The following ESPNL variants were observed in gnomAD, a reference collection of about 807,000 sequenced individuals.
ESPNL encodes the protein espin like, also known as espin-like protein.
A neutral mutation model predicts 46.8 loss-of-function variants in ESPNL; 49 were observed. The ratio of observed to expected loss-of-function variants is 1.05; its 90% CI spans 0.83 to 1.33. ESPNL has a LOEUF of 1.33. ESPNL is among the 40% of genes most tolerant of loss of function. The pLI is 0.00. For missense variants in ESPNL, 1,540 were observed against 1,436.6 expected (o/e 1.07, Z -1.16); for synonymous variants, 664 against 662.1 (o/e 1.00, Z -0.04).
chr2:238,133,195 G>T lies in ESPNL; in HGVS notation c.*1463G>T, dbSNP rs1324117737. The T allele has an allele frequency of 6.6e-6, 1 of 152,206 alleles. No homozygotes were observed. The highest frequency in any genetic ancestry group is 1.9e-4 in the East Asian group (1 of 5,200). The allele number at this position is 152,206 out of a possible 1,614,324, so 9.4% of individuals were successfully genotyped here. On this transcript the variant is annotated 3_prime_UTR_variant, in exon 9 of 9. Coordinates refer to ENST00000343063, the MANE Select transcript of ESPNL (RefSeq NM_194312.4). ...TTCCACAAGGGCCTATCCTGCAGCC[G>T]GCCCGCTCCGGCTTCCTCCACTGCT...
In ESPNL at chr2:238,107,860, C is replaced by T. The variant is rs781035210; in HGVS notation, c.742C>T (p.Arg248Ter). 43 of 1,610,406 alleles carry T rather than the reference C, an allele frequency of 2.7e-5. No homozygotes were observed. In the Admixed American group the frequency reaches 4.0e-4, roughly 15 times the overall value. Residue 248 changes from arginine to a stop codon, truncating the protein, a stop_gained, in exon 4 of 9, where the codon CGA (arginine) becomes TGA (stop). Transcript: ENST00000343063. LOFTEE classifies it high-confidence loss of function. ...GGCCACGGCCCTGCACTTTGCAGCC[C>T]GAGGCGGCCACACGCCCATTCTAGA... ...EGATALHFAA[R>*]GGHTPILDRL... is the part of the protein sequence containing the mutation.
chr2:238,104,617 A>G (rs1288584275), intron 2 of ESPNL, 39 bp from the exon 3 acceptor site: 2 of 1,514,102 alleles, frequency 1.3e-6, no homozygotes, highest in African/African-American at 2.8e-5. Flanking sequence ...GCTCAGCCAT[A>G]GGCAGGGACT....
intron 4 of ESPNL, 109 bp from the exon 5 acceptor site, chr2:238,116,794 C>A: frequency 2.2e-6 from 3 of 1,387,046 alleles, no homozygotes; most frequent in Admixed American, 2.0e-5. Context: ...CTGGGAAGGG[C>A]ATCAGGGCAG....
At chr2:238,128,651 T>C (rs1692197895) in intron 7 of ESPNL, 56 bp from the exon 8 acceptor site, 8 of 1,513,880 alleles carry the variant, frequency 5.3e-6, no homozygotes, top group Middle Eastern at 1.9e-4. Flanking sequence ...GGATCTTCCC[T>C]CCACTCAGGG....
Position 238,116,833 on chromosome 2 carries a change from G to A in ESPNL, c.856-70G>A, listed in dbSNP as rs533680829. 812 of 1,561,922 alleles carry A rather than the reference G, an allele frequency of 5.2e-4. 1 individual carries two copies. Among genetic ancestry groups the A allele is most frequent in the Non-Finnish European group, 6.5e-4 (748 of 1,145,262 alleles). On this transcript the variant is annotated intron_variant, in intron 4 of 8. Coordinates refer to ENST00000343063, the MANE Select transcript of ESPNL (RefSeq NM_194312.4). ...GCGCCATGGGGCAGGGGAGCGGCCC[G>A]CACAGGGCCAGTCCCATGGGCACCT...
intron 4 of ESPNL, among the ~76,000 whole-genome samples, chr2:238,116,364 A>G (rs933383715): frequency 1.3e-5 from 2 of 152,176 alleles, no homozygotes; most frequent in African/African-American, 4.8e-5. Flanking sequence ...AGGAGCATGC[A>G]GTGTGGCTGG....
At chr2:238,130,088 G>A (rs368004668) in intron 8 of ESPNL, 40 bp from the exon 9 acceptor site, 5 of 1,575,304 alleles carry the variant, frequency 3.2e-6, no homozygotes, top group Non-Finnish European at 4.3e-6. Context: ...ATGGTGGGTG[G>A]GTGGGCTCAC....
rs939801436 is a variant in ESPNL, at chr2:238,107,275, G to A, written c.673-516G>A. ...CCAGAGGCAGGGCTGGCCTCAAGTC[G>A]CTCCAGCGGTGGTGGCCGGCAGGTC... On this transcript the variant is annotated intron_variant, in intron 3 of 8. Coordinates refer to ENST00000343063, the MANE Select transcript of ESPNL (RefSeq NM_194312.4). Among the ~76,000 whole-genome samples the A allele has an allele frequency of 4.6e-5, 7 of 152,316 alleles. No homozygotes were observed. The East Asian group carries it at 5.8e-4, about 13-fold the overall frequency.
intron 5 of ESPNL, 135 bp downstream of exon 5, chr2:238,117,169 C>A: frequency 8.0e-7 from 1 of 1,257,022 alleles, no homozygotes; most frequent in East Asian, 2.6e-5. Flanking sequence ...GCATTGGAGC[C>A]AGGAGCAAGG....
chr2:238,125,311 AC>A lies in ESPNL; in HGVS notation c.1031del (p.Pro344LeufsTer45). On this transcript the variant is annotated frameshift_variant, in exon 6 of 9. Transcript: ENST00000343063. LOFTEE classifies it high-confidence loss of function. ...MTPPPPPFPP[P>X]PLLATRRSLE... Reference sequence around the variant, plus strand: ...CGCCCCCACCACCACCGTTCCCCCCACCTCCACTGTTGGCCACGAGGCGCTC... The same window carrying A: ...CGCCCCCACCACCACCGTTCCCCCCACTCCACTGTTGGCCACGAGGCGCTC... 4 of 1,561,892 alleles carry A rather than the reference AC, an allele frequency of 2.6e-6. No homozygotes were observed. The South Asian group carries it at 4.8e-5, about 19-fold the overall frequency.
intron 4 of ESPNL, 22 bp from the exon 5 acceptor site, chr2:238,116,881 A>G (rs753237614): frequency 1.4e-5 from 23 of 1,610,404 alleles, no homozygotes; most frequent in Non-Finnish European, 2.0e-5. Flanking sequence ...GGTGGGTCAC[A>G]TGTGTGCCCT....
chr2:238,111,175 C>T (rs996002135), intron 4 of ESPNL, among the ~76,000 whole-genome samples: 10 of 152,212 alleles, frequency 6.6e-5, no homozygotes, highest in Admixed American at 3.9e-4. Context: ...GATCCGCCCA[C>T]CTCGGCCTCC....
At chr2:238,116,335 G>A (rs922069044) in intron 4 of ESPNL, among the ~76,000 whole-genome samples, 2 of 152,148 alleles carry the variant, frequency 1.3e-5, no homozygotes, top group Non-Finnish European at 2.9e-5. Context: ...GGAGGGTCCT[G>A]GCCCCAAGTT....
chr2:238,106,157 C>T (rs943899984), intron 3 of ESPNL, among the ~76,000 whole-genome samples: 1 of 152,138 alleles, frequency 6.6e-6, no homozygotes, highest in African/African-American at 2.4e-5. Flanking sequence ...CCAGGAGCTC[C>T]GTGGGTGCAG....
At chr2:238,111,575 A>G (rs995895915) in intron 4 of ESPNL, among the ~76,000 whole-genome samples, 1 of 152,230 alleles carries the variant, frequency 6.6e-6, no homozygotes, top group African/African-American at 2.4e-5. Flanking sequence ...TTCACTTAGC[A>G]TAATGTCCTC....
At chr2:238,123,143 C>T (rs932760741) in intron 5 of ESPNL, among the ~76,000 whole-genome samples, 4 of 152,270 alleles carry the variant, frequency 2.6e-5, no homozygotes, top group East Asian at 3.9e-4. Context: ...CTGGGGAACA[C>T]GCCGTTGCTC....
At position 238,130,901 on chromosome 2, in the gene ESPNL, C is replaced by T. The variant is rs778577582; in HGVS notation, c.2187C>T (p.Ala729=). Residue 729 remains alanine (A), a synonymous_variant, in exon 9 of 9, where the codon GCC becomes GCT. Transcript: ENST00000343063. ...TGCCATCAGAGGCGGGTGCCGCAGC[C>T]GGCCCAGACCTGGCCAGCCTGCGCA... ...EEVPSEAGAA[A]GPDLASLRKE... 29 of 1,545,322 alleles carry T rather than the reference C, an allele frequency of 1.9e-5. No homozygotes were observed. Among genetic ancestry groups the T allele is most frequent in the Admixed American group, 3.9e-5 (2 of 51,134 alleles).
chr2:238,129,319 C>T (rs1488786437), intron 8 of ESPNL: 1 of 976,370 alleles, frequency 1.0e-6, no homozygotes, highest in Non-Finnish European at 1.2e-6. Flanking sequence ...GCTTAGGGGG[C>T]CCCCTCTGGG....
chr2:238,101,897 T>C (rs1163903825), intron 1 of ESPNL, 44 bp from the exon 2 acceptor site: 2 of 1,501,640 alleles, frequency 1.3e-6, no homozygotes, highest in South Asian at 2.4e-5. Context: ...GGCTCTGACC[T>C]CACGGCCTAC....
Sources: gnomAD v4.1 joint callset for allele counts (sites outside exome capture counted in the v4.1 genomes callset) on GRCh38, gnomAD v4.1.1 for gene constraint, MANE v1.5 for transcripts, NCBI Gene and HGNC (gene_info 2026-07-23, HGNC 2026-07-21) for gene names.